Variants in TEX2 observed in about 807,000 individuals in gnomAD.
The protein encoded by TEX2 is testis expressed 2.
A neutral mutation model predicts 106.9 loss-of-function variants in TEX2; 53 were observed. The ratio of observed to expected loss-of-function variants is 0.50; its 90% confidence interval spans 0.40 to 0.62. TEX2 has a LOEUF of 0.62. Ranked by LOEUF, TEX2 falls within the 20% of genes least tolerant of loss-of-function variation. TEX2 has a pLI of 0.00. For synonymous variants in TEX2, 523 were observed against 534.8 expected, an observed-to-expected ratio of 0.98 and a Z score of 0.30; for missense variants, 1,207 against 1,379.0, an observed-to-expected ratio of 0.88 and a Z score of 1.98.
In TEX2 at chr17:64,193,876, G is replaced by T; in HGVS notation, c.1859C>A (p.Pro620His). ...DLSDSKIYLV[P>H]KTLARKRIWN... ...GATTCGCTTTCGAGCCAAAGTTTTA[G>T]GTACAAGATAAATCTACAGAGAAAG... is the stretch of plus-strand genomic sequence containing the variant. Residue 620 changes from proline (P) to histidine (H), a missense_variant, in exon 4 of 12, where the codon CCT becomes CAT. Physicochemically the swap from Pro to His is moderately conservative, Grantham distance 77 (BLOSUM62 -2). This residue lies in a region of TEX2 where 1,067 missense variants were observed against 1,193.6 expected (regional missense o/e 0.89). Transcript: ENST00000584379. 6.5e-7 allele frequency: 1 copy of T among 1,544,338 alleles called. No homozygotes were observed. The highest frequency in any genetic ancestry group is 8.8e-7 in the Non-Finnish European group (1 of 1,140,694).
chr17:64,213,171 C>T lies in TEX2; in HGVS notation c.1047G>A (p.Glu349=). 1 of 1,614,216 alleles carries T rather than the reference C, an allele frequency of 6.2e-7. No individual in the cohort carries two copies. The highest frequency in any genetic ancestry group is 2.2e-5 in the East Asian group (1 of 44,890). Residue 349 remains glutamate, a synonymous_variant, in exon 2 of 12, where the codon GAG becomes GAA. Transcript: ENST00000584379. This position sits in a 1 kb window ranked among gnomAD's most constrained non-coding sequence, Gnocchi z 4.4. ...AGCCATCCCCCTCAGAATCACACTC[C>T]TCCTCCTTGATGCTGTAGTTGTTAT... ...ESNNNYSIKE[E]ECDSEGDGYG...
intron 1 of TEX2, among the ~76,000 whole-genome samples, chr17:64,215,255 T>C (rs1226646613): frequency 1.3e-5 from 2 of 152,184 alleles, no homozygotes; most frequent in African/African-American, 4.8e-5. Flanking sequence ...AGACCACACC[T>C]GGACAGAGAC....
intron 3 of TEX2, 45 bp from the exon 4 acceptor site, chr17:64,193,934 A>C (rs2032383659): frequency 1.4e-6 from 2 of 1,402,822 alleles, no homozygotes. Flanking sequence ...AAGATTGGCT[A>C]CACTATGCAT....
chr17:64,240,189 T>C (rs2033859793), intron 1 of TEX2, among the ~76,000 whole-genome samples: 1 of 152,104 alleles, frequency 6.6e-6, no homozygotes, highest in Non-Finnish European at 1.5e-5. Context: ...CTTTCCTCTA[T>C]GATCTTTATA....
intron 1 of TEX2, among the ~76,000 whole-genome samples, chr17:64,233,478 C>CA (rs2143333153): frequency 6.6e-6 from 1 of 152,286 alleles, no homozygotes; most frequent in Non-Finnish European, 1.5e-5. Context: ...GAGGCTGAGG[C>CA]AGGAGAATCG....
chr17:64,248,043 C>T (rs1361142463), intron 1 of TEX2, among the ~76,000 whole-genome samples: 1 of 152,214 alleles, frequency 6.6e-6, no homozygotes, highest in Non-Finnish European at 1.5e-5. Flanking sequence ...AGGAAGAAGA[C>T]AGCCTTCTGG....
At chr17:64,246,881 C>T (rs1413713175) in intron 1 of TEX2, among the ~76,000 whole-genome samples, 7 of 152,178 alleles carry the variant, frequency 4.6e-5, no homozygotes, top group South Asian at 4.1e-4. Flanking sequence ...GCTGTGTCTA[C>T]GTGAGGGACC....
At chr17:64,252,052 A>G (rs1457807862) in intron 1 of TEX2, among the ~76,000 whole-genome samples, 5 of 152,230 alleles carry the variant, frequency 3.3e-5, no homozygotes, top group East Asian at 3.9e-4. Flanking sequence ...TAAGGTCTCA[A>G]AATGGAGCCT....
intron 6 of TEX2, among the ~76,000 whole-genome samples, chr17:64,173,857 T>C (rs1412592586): frequency 3.3e-5 from 5 of 152,162 alleles, no homozygotes; most frequent in Non-Finnish European, 7.4e-5. Flanking sequence ...CTTTTCTTTT[T>C]TTTTTTGAAA....
chr17:64,227,097 GC>G (rs2033525839), intron 1 of TEX2, among the ~76,000 whole-genome samples: 1 of 151,892 alleles, frequency 6.6e-6, no homozygotes, highest in Non-Finnish European at 1.5e-5. Flanking sequence ...GTGGCGGTGC[GC>G]GCCTGTAGTC....
chr17:64,230,539 C>A (rs1285880807), intron 1 of TEX2: 2 of 152,232 alleles, frequency 1.3e-5, no homozygotes, highest in Non-Finnish European at 2.9e-5. Context: ...AAAGGATTGC[C>A]CACTGATGAG....
intron 8 of TEX2, among the ~76,000 whole-genome samples, chr17:64,157,408 A>C (rs533562665): frequency 3.0e-4 from 46 of 152,292 alleles, no homozygotes; most frequent in African/African-American, 9.9e-4. Flanking sequence ...TCTTAGACCA[A>C]ATATTTTATT....
rs1031887434 is a variant in TEX2 at position 64,213,581 on chromosome 17, A to G, written c.637T>C (p.Leu213=). The part of the protein sequence containing the change: ...ESPHPARHRH[L]MKTLVKSLST... ...AGAGACTTGACTAATGTCTTCATCA[A>G]GTGCCTGTGCCTTGCGGGGTGTGGG... The change falls in exon 2 of 12, where the codon TTG becomes CTG. Residue 213 remains leucine, a synonymous_variant. Coordinates refer to ENST00000584379, the MANE Select transcript of TEX2 (RefSeq NM_001288732.2). The surrounding 1 kb of genome is among the most constrained non-coding windows in gnomAD (Gnocchi z 4.4). 3 of 1,614,162 alleles carry G rather than the reference A, an allele frequency of 1.9e-6. No individual in the cohort carries two copies. Among genetic ancestry groups the G allele is most frequent in the South Asian group, 1.1e-5 (1 of 91,086 alleles).
At chr17:64,219,309 C>A (rs185723625) in intron 1 of TEX2, among the ~76,000 whole-genome samples, 28 of 152,090 alleles carry the variant, frequency 1.8e-4, no homozygotes, top group African/African-American at 6.3e-4. Flanking sequence ...AATTCGAGAC[C>A]AGCCTGGCCA....
intron 1 of TEX2, among the ~76,000 whole-genome samples, chr17:64,234,044 C>CA (rs1555634878): frequency 6.6e-6 from 1 of 151,924 alleles, no homozygotes; most frequent in African/African-American, 2.4e-5. Flanking sequence ...GTCTAAAGGC[C>CA]AAAAGCAGAG....
At chr17:64,156,252 T>G (rs1308192173) in intron 8 of TEX2, 1 of 152,312 alleles carries the variant, frequency 6.6e-6, no homozygotes, top group Non-Finnish European at 1.5e-5. Flanking sequence ...CTGAAACCTC[T>G]ACACTGGAAA....
chr17:64,173,082 G>T (rs1407017124), intron 6 of TEX2, among the ~76,000 whole-genome samples: 1 of 152,098 alleles, frequency 6.6e-6, no homozygotes, highest in Non-Finnish European at 1.5e-5. Context: ...TATTTATTCA[G>T]CAACCAACAC....
At chr17:64,200,835 T>C (rs1232147004) in intron 2 of TEX2, among the ~76,000 whole-genome samples, 1 of 152,112 alleles carries the variant, frequency 6.6e-6, no homozygotes, top group Non-Finnish European at 1.5e-5. Context: ...GGGCTTGGCT[T>C]GGCCCTTCTT....
chr17:64,174,562 C>T (rs375463225), intron 6 of TEX2, among the ~76,000 whole-genome samples: 2 of 152,158 alleles, frequency 1.3e-5, no homozygotes, highest in South Asian at 2.1e-4. Context: ...CTGTTCTTTT[C>T]GACAATAAAC....
Sources: allele counts gnomAD v4.1 joint callset (sites outside exome capture counted in the v4.1 genomes callset), GRCh38; gene constraint gnomAD v4.1.1; regional missense constraint gnomAD v4.1.1; non-coding constraint Gnocchi (gnomAD v3.1); transcripts MANE v1.5; gene names NCBI Gene and HGNC (gene_info 2026-07-23, HGNC 2026-07-21).